Variants in RRAS2 observed in about 807,000 individuals in gnomAD.
The protein encoded by RRAS2 is RAS related 2.
Under a neutral mutation model 27.6 loss-of-function variants are expected in RRAS2, and 7 were observed. That is an observed-to-expected ratio of 0.25 (90% CI 0.14 to 0.48). The LOEUF (loss-of-function observed/expected upper bound fraction) is 0.48. Ranked by LOEUF, RRAS2 falls within the 20% of genes least tolerant of loss-of-function variation. The probability of loss-of-function intolerance (pLI) is 0.99; values close to 1 mark genes in which losing one functional copy is unlikely to be tolerated. For missense variants in RRAS2, 178 were observed against 256.2 expected (o/e 0.69, Z 2.08); for synonymous variants, 86 against 90.9 (o/e 0.95, Z 0.31).
intron 1 of RRAS2, among the ~76,000 whole-genome samples, chr11:14,304,754 C>T (rs535854566): frequency 6.2e-4 from 94 of 152,292 alleles, no homozygotes; most frequent in African/African-American, 2.2e-3. Context: ...GAGCAAATTC[C>T]TCTGGTAACA....
rs1554955906 is a variant in RRAS2 at position 14,359,066 on chromosome 11, C to T, written c.-196G>A. Reference sequence around the variant, plus strand: ...GACTGGCTGGGTACCGCCCGAGGCGCGGAGAAGCGGGGTGACGGCACGGGC... The same window carrying T: ...GACTGGCTGGGTACCGCCCGAGGCGTGGAGAAGCGGGGTGACGGCACGGGC... On this transcript the variant is annotated 5_prime_UTR_variant, in exon 1 of 6. Transcript: ENST00000256196. 1 of 1,093,944 alleles carries T rather than the reference C, an allele frequency of 9.1e-7. No individual in the cohort carries two copies. Among genetic ancestry groups the T allele is most frequent in the Non-Finnish European group, 1.1e-6 (1 of 900,694 alleles). 67.8% of individuals were successfully genotyped at this position (1,093,944 alleles called of 1,614,324 possible). A position where few individuals can be genotyped will look rare whatever the true frequency, so the allele number is the denominator to read the frequency against.
rs1227992364 is a variant in RRAS2, at chr11:14,358,570, GGGA to G, written c.108+190_108+192del. ...GCCCTACTCCCGCGACGCCGCGCCC[GGGA>G]GGAGGCAGGAGCGCGACGCTGCGGC... On this transcript the variant is annotated intron_variant, in intron 1 of 5. Coordinates refer to ENST00000256196, the MANE Select transcript of RRAS2 (RefSeq NM_012250.6). This position sits in a 1 kb window ranked among gnomAD's most constrained non-coding sequence, Gnocchi z 5.1. 6.5e-5 allele frequency: 64 copies of G among 986,444 alleles called. No homozygotes were observed. Among genetic ancestry groups the G allele is most frequent in the East Asian group, 1.1e-4 (1 of 8,804 alleles). 61.1% of individuals were successfully genotyped at this position (986,444 alleles called of 1,614,324 possible).
intron 1 of RRAS2, among the ~76,000 whole-genome samples, chr11:14,346,922 A>G (rs1173331888): frequency 6.6e-6 from 1 of 152,210 alleles, no homozygotes; most frequent in Non-Finnish European, 1.5e-5. Context: ...TGGGAGGCCA[A>G]GGTGGGAGGA....
chr11:14,292,979 C>A (rs782370590), intron 4 of RRAS2, among the ~76,000 whole-genome samples: 3 of 151,024 alleles, frequency 2.0e-5, no homozygotes, highest in South Asian at 4.2e-4. Flanking sequence ...TGCTGGCAGG[C>A]GCCTGTAGTC....
In RRAS2 at chr11:14,358,874, G is replaced by C; in HGVS notation, c.-4C>G. ...CCCGCCAGCCGGCCGCGGCCATGGG[G>C]ACGCTACAGAGCCCAGCCTGACTGC... On this transcript the variant is annotated 5_prime_UTR_variant, in exon 1 of 6. Transcript: ENST00000256196. The surrounding 1 kb of genome is among the most constrained non-coding windows in gnomAD (Gnocchi z 5.1). 6.9e-7 allele frequency: 1 copy of C among 1,456,270 alleles called. No homozygotes were observed. Among genetic ancestry groups the C allele is most frequent in the Non-Finnish European group, 9.1e-7 (1 of 1,096,110 alleles). 90.2% of individuals were successfully genotyped at this position (1,456,270 alleles called of 1,614,324 possible).
chr11:14,324,035 C>A lies in RRAS2; in HGVS notation c.109-28180G>T, dbSNP rs182323116. Among the ~76,000 whole-genome samples the A allele has an allele frequency of 1.9e-3, 286 of 149,608 alleles. 8 individuals are homozygous for A. Among genetic ancestry groups the A allele is most frequent in the African/African-American group, 1.3e-3 (55 of 40,926 alleles). On this transcript the variant is annotated intron_variant, in intron 1 of 5. Coordinates refer to ENST00000256196, the MANE Select transcript of RRAS2 (RefSeq NM_012250.6). ...TTTTTACAGTGAAACTCATTAAAATCAAGAACAAGTATGTATGTCTACTAT... is the reference window on the plus strand; with the variant it reads ...TTTTTACAGTGAAACTCATTAAAATAAAGAACAAGTATGTATGTCTACTAT...
intron 1 of RRAS2, among the ~76,000 whole-genome samples, chr11:14,311,951 G>A (rs1178300555): frequency 6.6e-6 from 1 of 151,582 alleles, no homozygotes; most frequent in African/African-American, 2.4e-5. Context: ...TGCAACCTCC[G>A]CCTCCCAGGT....
upstream of RRAS2, among the ~76,000 whole-genome samples, chr11:14,363,526 T>C (rs1591497843): frequency 6.6e-6 from 1 of 152,192 alleles, no homozygotes; most frequent in South Asian, 2.1e-4. Context: ...CCCAGCACTT[T>C]GGGAGGCCGA....
In RRAS2 at chr11:14,319,305, C is replaced by T. The variant is rs1427169012; in HGVS notation, c.109-23450G>A. Among the ~76,000 whole-genome samples the T allele has an allele frequency of 4.8e-5, 7 of 145,518 alleles. No individual in the cohort carries two copies. The East Asian group carries it at 8.6e-4, about 18-fold the overall frequency. On this transcript the variant is annotated intron_variant, in intron 1 of 5. Coordinates refer to ENST00000256196, the MANE Select transcript of RRAS2 (RefSeq NM_012250.6). ...CCAAGGTATGTGAGTAAAACCTGTA[C>T]TACAATAAAAATTATATTAACTATT...
In RRAS2 at chr11:14,358,427, T is replaced by TAAA; in HGVS notation, c.108+333_108+335dup. ...CCCCACGCCCGGACCCTCGGAGCAG[T>TAAA]AAAGCCCGGCTCGGTGGCCCAGCCT... is the stretch of plus-strand genomic sequence containing the variant. On this transcript the variant is annotated intron_variant, in intron 1 of 5. Transcript: ENST00000256196. This position sits in a 1 kb window ranked among gnomAD's most constrained non-coding sequence, Gnocchi z 5.1. 1 of 985,226 alleles carries TAAA rather than the reference T, an allele frequency of 1.0e-6. No individual in the cohort carries two copies. Among genetic ancestry groups the TAAA allele is most frequent in the South Asian group, 4.7e-5 (1 of 21,282 alleles). The allele number at this position is 985,226 out of a possible 1,614,324, so 61.0% of individuals were successfully genotyped here.
chr11:14,339,492 A>G (rs1445576870), intron 1 of RRAS2, among the ~76,000 whole-genome samples: 2 of 152,160 alleles, frequency 1.3e-5, no homozygotes, highest in African/African-American at 4.8e-5. Context: ...TCTTTCAATT[A>G]AATTTGTTGT....
intron 5 of RRAS2, 63 bp from the exon 6 acceptor site, chr11:14,279,487 G>A: frequency 8.6e-7 from 1 of 1,158,580 alleles, no homozygotes; most frequent in Non-Finnish European, 1.3e-6. Flanking sequence ...ACAAACACAG[G>A]TTATTTTTTG....
chr11:14,289,937 G>A (rs1354528469), intron 4 of RRAS2, among the ~76,000 whole-genome samples: 1 of 152,150 alleles, frequency 6.6e-6, no homozygotes, highest in East Asian at 1.9e-4. Context: ...AAATGATCAA[G>A]TCTAAGACAA....
intron 1 of RRAS2, among the ~76,000 whole-genome samples, chr11:14,322,629 C>G (rs1214605174): frequency 6.6e-6 from 1 of 152,268 alleles, no homozygotes; most frequent in Non-Finnish European, 1.5e-5. Context: ...AGTAATTCCT[C>G]TGTAATACGT....
At chr11:14,305,100 C>T (rs1847801925) in intron 1 of RRAS2, among the ~76,000 whole-genome samples, 1 of 152,170 alleles carries the variant, frequency 6.6e-6, no homozygotes, top group African/African-American at 2.4e-5. Flanking sequence ...TTCAGTGTTG[C>T]CAGTTGTCTC....
At chr11:14,348,639 GT>G (rs1447384187) in intron 1 of RRAS2, among the ~76,000 whole-genome samples, 11 of 152,184 alleles carry the variant, frequency 7.2e-5, no homozygotes, top group Admixed American at 7.2e-4. Context: ...GTCAATGGGA[GT>G]TTTGCCAGGC....
intron 1 of RRAS2, among the ~76,000 whole-genome samples, chr11:14,304,796 G>A (rs1847795266): frequency 6.6e-6 from 1 of 152,216 alleles, no homozygotes; most frequent in Admixed American, 6.5e-5. Context: ...TCAGGCAGCT[G>A]TGAGCCAGAG....
chr11:14,364,483 G>T, exon 1 of RRAS2: 1 of 1,120,430 alleles, frequency 8.9e-7, no homozygotes, highest in Non-Finnish European at 1.3e-6. Flanking sequence ...AAACCGCCCA[G>T]CAGGAGCTGC....
Position 14,316,518 on chromosome 11 carries a change from T to C in RRAS2, c.109-20663A>G, listed in dbSNP as rs184430273. Among the ~76,000 whole-genome samples, 42 of 152,336 alleles carry C rather than the reference T, an allele frequency of 2.8e-4. 1 individual carries two copies. The East Asian group carries it at 4.8e-3, about 17-fold the overall frequency. On this transcript the variant is annotated intron_variant, in intron 1 of 5. Coordinates refer to ENST00000256196, the MANE Select transcript of RRAS2 (RefSeq NM_012250.6). Reference sequence around the variant, plus strand: ...ACTTGGGGAGGTTAAGGCAGGAAGATTGCTTGAGCCCAGGAGTTCAAGACT... The same window carrying C: ...ACTTGGGGAGGTTAAGGCAGGAAGACTGCTTGAGCCCAGGAGTTCAAGACT...
Sources: allele counts gnomAD v4.1 joint callset (sites outside exome capture counted in the v4.1 genomes callset), GRCh38; gene constraint gnomAD v4.1.1; non-coding constraint Gnocchi (gnomAD v3.1); transcripts MANE v1.5; gene names NCBI Gene and HGNC (gene_info 2026-07-23, HGNC 2026-07-21).